Variants in FGF7 observed in about 807,000 individuals in gnomAD.
FGF7 encodes the protein FGF-7.
In FGF7, 6 loss-of-function variants were observed where a neutral mutation model predicts 20.5. The ratio of observed to expected loss-of-function variants is 0.29; its 90% CI spans 0.16 to 0.58. The LOEUF (loss-of-function observed/expected upper bound fraction) is 0.58, where lower values mean the gene tolerates loss of function less well. Ranked by LOEUF, FGF7 falls within the 20% of genes least tolerant of loss-of-function variation. FGF7 has a pLI of 0.90. For synonymous variants in FGF7, 64 were observed against 74.7 expected, an observed-to-expected ratio of 0.86 and a Z score of 0.74; for missense variants, 144 against 228.8, an observed-to-expected ratio of 0.63 and a Z score of 2.39.
intron 2 of FGF7, among the ~76,000 whole-genome samples, chr15:49,440,329 C>G (rs1198805563): frequency 6.6e-6 from 1 of 151,596 alleles, no homozygotes; most frequent in Non-Finnish European, 1.5e-5. Context: ...TGATATATTT[C>G]TTATAAGTAA....
intron 2 of FGF7, among the ~76,000 whole-genome samples, chr15:49,457,675 T>C (rs1292122842): frequency 6.6e-6 from 1 of 151,854 alleles, no homozygotes; most frequent in African/African-American, 2.4e-5. Flanking sequence ...TGGTCCCAGG[T>C]CCCAGTGACA....
At chr15:49,468,400 T>C (rs923094943) in intron 2 of FGF7, among the ~76,000 whole-genome samples, 1 of 152,188 alleles carries the variant, frequency 6.6e-6, no homozygotes, top group African/African-American at 2.4e-5. Flanking sequence ...TATCTACTTG[T>C]GTTTCTTTCT....
intron 2 of FGF7, among the ~76,000 whole-genome samples, chr15:49,470,148 G>A (rs542073174): frequency 1.1e-3 from 169 of 152,228 alleles, no homozygotes; most frequent in Admixed American, 3.8e-3. Context: ...GAAAATGATG[G>A]AATTCTAAAA....
chr15:49,438,957 T>G (rs924537242), intron 2 of FGF7, among the ~76,000 whole-genome samples: 1 of 151,312 alleles, frequency 6.6e-6, no homozygotes, highest in African/African-American at 2.4e-5. Context: ...TACCTAAAAT[T>G]TACCAGCTTA....
chr15:49,476,788 G>C (rs1172438965), intron 2 of FGF7, among the ~76,000 whole-genome samples: 1 of 152,104 alleles, frequency 6.6e-6, no homozygotes, highest in Admixed American at 6.5e-5. Context: ...GGCCAGGCGT[G>C]GTGGCTCACG....
At chr15:49,462,729 T>TA (rs2053917070) in intron 2 of FGF7, among the ~76,000 whole-genome samples, 1 of 152,222 alleles carries the variant, frequency 6.6e-6, no homozygotes, top group South Asian at 2.1e-4. Flanking sequence ...CCAATTAAGT[T>TA]AAAATACAAC....
At chr15:49,457,765 T>G (rs2053443734) in intron 2 of FGF7, among the ~76,000 whole-genome samples, 1 of 151,914 alleles carries the variant, frequency 6.6e-6, no homozygotes, top group South Asian at 2.1e-4. Flanking sequence ...TATTTAAAAT[T>G]AAAAGAATTG....
intron 2 of FGF7, among the ~76,000 whole-genome samples, chr15:49,439,916 T>C (rs1275894935): frequency 3.3e-5 from 5 of 151,740 alleles, no homozygotes; most frequent in Non-Finnish European, 5.9e-5. Flanking sequence ...GACATGAAGT[T>C]TGCAGATAGC....
At chr15:49,431,697 T>C (rs1162243227) in intron 2 of FGF7, among the ~76,000 whole-genome samples, 1 of 151,638 alleles carries the variant, frequency 6.6e-6, no homozygotes. Context: ...AATATCTTTG[T>C]GAACAGGAGG....
chr15:49,448,288 G>A (rs548783970), intron 2 of FGF7, among the ~76,000 whole-genome samples: 7 of 150,884 alleles, frequency 4.6e-5, no homozygotes, highest in Non-Finnish European at 1.0e-4. Context: ...CTTCTTTCCT[G>A]TTACCTTTTC....
intron 2 of FGF7, among the ~76,000 whole-genome samples, chr15:49,435,601 A>G (rs2051032086): frequency 6.6e-6 from 1 of 151,634 alleles, no homozygotes; most frequent in Non-Finnish European, 1.5e-5. Flanking sequence ...AAGTGCTTTC[A>G]GCTTTGAAAA....
At chr15:49,473,362 G>A (rs1408902242) in intron 2 of FGF7, among the ~76,000 whole-genome samples, 1 of 152,024 alleles carries the variant, frequency 6.6e-6, no homozygotes, top group Non-Finnish European at 1.5e-5. Context: ...AAAGAACATT[G>A]AGTTAAATAT....
intron 2 of FGF7, among the ~76,000 whole-genome samples, chr15:49,466,812 T>A (rs1357339566): frequency 1.3e-5 from 2 of 152,212 alleles, no homozygotes; most frequent in African/African-American, 4.8e-5. Context: ...TTAATTATCT[T>A]TTTAAGTAAA....
In FGF7 at chr15:49,470,844, G is replaced by C. The variant is rs2054674038; in HGVS notation, c.287-12307G>C. 2.0e-5 allele frequency among the ~76,000 whole-genome samples: 3 copies of C among 152,120 alleles called. No individual in the cohort carries two copies. The South Asian group carries it at 6.2e-4, about 32-fold the overall frequency. On this transcript the variant is annotated intron_variant, in intron 2 of 3. Coordinates refer to ENST00000267843, the MANE Select transcript of FGF7 (RefSeq NM_002009.4). Reference sequence around the variant, plus strand: ...AATGAAGTAGAAATGCAGTGACAAGGGTGTCATCTAGAAAGAATGAAAAGA... The same window carrying C: ...AATGAAGTAGAAATGCAGTGACAAGCGTGTCATCTAGAAAGAATGAAAAGA...
In FGF7 at chr15:49,452,512, T is replaced by C. The variant is rs561038207; in HGVS notation, c.286+27929T>C. The stretch of plus-strand genomic sequence containing the variant: ...GCCAGAGAAACTGGATGTTATTTTC[T>C]GGTTCTTCATAAAAAGATCTATGCA... On this transcript the variant is annotated intron_variant, in intron 2 of 3. Coordinates refer to ENST00000267843, the MANE Select transcript of FGF7 (RefSeq NM_002009.4). Among the ~76,000 whole-genome samples, 34 of 152,352 alleles carry C rather than the reference T, an allele frequency of 2.2e-4. No homozygotes were observed. The South Asian group carries it at 7.0e-3, about 32-fold the overall frequency.
Position 49,479,599 on chromosome 15 carries a change from G to GTTT in FGF7, c.287-3525_287-3523dup, listed in dbSNP as rs56097665. 3.8e-4 allele frequency among the ~76,000 whole-genome samples: 24 copies of GTTT among 63,322 alleles called. 3 individuals are homozygous for GTTT. Among genetic ancestry groups the GTTT allele is most frequent in the East Asian group, 2.0e-3 (4 of 2,044 alleles). The allele number at this position is 63,322 out of a possible 152,430, so 41.5% of individuals were successfully genotyped here. On this transcript the variant is annotated intron_variant, in intron 2 of 3. Coordinates refer to ENST00000267843, the MANE Select transcript of FGF7 (RefSeq NM_002009.4). ...GTAGGATTTCATAGTTAATACCTCT[G>GTTT]TTTTTTTTTTTTTTTTTTTTTTTTT...
intron 2 of FGF7, among the ~76,000 whole-genome samples, chr15:49,453,530 G>A (rs1174547275): frequency 6.6e-6 from 1 of 152,102 alleles, no homozygotes; most frequent in East Asian, 1.9e-4. Context: ...GGGTTCAGTA[G>A]CCACATGTGG....
intron 2 of FGF7, among the ~76,000 whole-genome samples, chr15:49,477,090 G>A (rs2055409777): frequency 1.3e-5 from 2 of 149,930 alleles, no homozygotes; most frequent in Non-Finnish European, 3.0e-5. Flanking sequence ...GCAGATAATA[G>A]AGTTCCCATA....
intron 2 of FGF7, among the ~76,000 whole-genome samples, chr15:49,457,166 T>G (rs1161893214): frequency 6.6e-6 from 1 of 152,006 alleles, no homozygotes; most frequent in African/African-American, 2.4e-5. Context: ...TTTAACAGTG[T>G]TTTTTCTTTG....
Sources: gnomAD v4.1 joint callset for allele counts (sites outside exome capture counted in the v4.1 genomes callset) on GRCh38, gnomAD v4.1.1 for gene constraint, MANE v1.5 for transcripts, NCBI Gene and HGNC (gene_info 2026-07-23, HGNC 2026-07-21) for gene names.